The following LRRC7 variants were observed in gnomAD, a reference collection of about 807,000 sequenced individuals.
The protein encoded by LRRC7 is leucine rich repeat containing 7.
Under a neutral mutation model 175.7 loss-of-function variants are expected in LRRC7, and 23 were observed. The ratio of observed to expected loss-of-function variants is 0.13; its 90% CI spans 0.09 to 0.19. The LOEUF (loss-of-function observed/expected upper bound fraction) is 0.19. Ranked by LOEUF, LRRC7 falls within the 10% of genes least tolerant of loss-of-function variation. The pLI is 1.00. For missense variants in LRRC7, 1,354 were observed against 1,904.7 expected, an observed-to-expected ratio of 0.71 and a Z score of 5.38; for synonymous variants, 685 against 680.9, an observed-to-expected ratio of 1.01 and a Z score of -0.09.
At chr1:69,665,182 G>C (rs1658087832) in intron 1 of LRRC7, among the ~76,000 whole-genome samples, 2 of 152,102 alleles carry the variant, frequency 1.3e-5, no homozygotes, top group Non-Finnish European at 2.9e-5. Context: ...TTTTATGCCA[G>C]TGAAATGCCA....
At chr1:69,633,676 A>C (rs931502133) in intron 1 of LRRC7, among the ~76,000 whole-genome samples, 3 of 151,856 alleles carry the variant, frequency 2.0e-5, no homozygotes, top group African/African-American at 7.3e-5. Flanking sequence ...TGATTTGCCC[A>C]CCTCTGCCTC....
At chr1:69,602,506 T>A (rs945351203) in intron 1 of LRRC7, among the ~76,000 whole-genome samples, 1 of 146,096 alleles carries the variant, frequency 6.8e-6, no homozygotes, top group African/African-American at 2.8e-5. Context: ...AAGTTGATTT[T>A]AAAAGTATTG....
intron 8 of LRRC7, among the ~76,000 whole-genome samples, chr1:69,969,211 C>G (rs1328922846): frequency 1.3e-5 from 2 of 152,048 alleles, no homozygotes; most frequent in Non-Finnish European, 2.9e-5. Flanking sequence ...AACAAAAATA[C>G]AATTTAAAAC....
At chr1:69,902,465 A>C (rs1453342404) in intron 7 of LRRC7, among the ~76,000 whole-genome samples, 2 of 152,070 alleles carry the variant, frequency 1.3e-5, no homozygotes, top group African/African-American at 4.8e-5. Context: ...CGGCTACTCA[A>C]GAGACTGAGG....
intron 2 of LRRC7, among the ~76,000 whole-genome samples, chr1:69,707,643 G>A (rs4639706): frequency 0.079 from 11,972 of 152,182 alleles, 549 homozygotes; most frequent in East Asian, 0.14. Flanking sequence ...TATGCATTCA[G>A]TAAATGCTAA....
At chr1:69,999,982 A>T (rs1655374389) in intron 11 of LRRC7, among the ~76,000 whole-genome samples, 1 of 151,756 alleles carries the variant, frequency 6.6e-6, no homozygotes, top group South Asian at 2.1e-4. Flanking sequence ...GCTGCCACCC[A>T]CTCTAGTTCT....
intron 7 of LRRC7, among the ~76,000 whole-genome samples, chr1:69,930,750 A>G (rs1341446854): frequency 6.6e-6 from 1 of 152,212 alleles, no homozygotes; most frequent in Non-Finnish European, 1.5e-5. Flanking sequence ...ACTTAAAATC[A>G]TGGCCGAAGG....
At chr1:69,979,199 A>G (rs1193029940) in intron 8 of LRRC7, among the ~76,000 whole-genome samples, 1 of 152,228 alleles carries the variant, frequency 6.6e-6, no homozygotes, top group East Asian at 1.9e-4. Context: ...GGTGGATACA[A>G]TGCACTAGTT....
At position 69,691,789 on chromosome 1, in the gene LRRC7, C is replaced by A. The variant is rs1661896859; in HGVS notation, c.100+13311C>A. 2.6e-5 allele frequency among the ~76,000 whole-genome samples: 3 copies of A among 116,708 alleles called. No homozygotes were observed. In the Admixed American group the frequency reaches 3.1e-4, roughly 12 times the overall value. The allele number at this position is 116,708 out of a possible 152,430, so 76.6% of individuals were successfully genotyped here. On this transcript the variant is annotated intron_variant, in intron 2 of 26. Transcript: ENST00000651989. ...CTCCAGCCTGGGCAAAAGAGGGAGA[C>A]CCTGTCTCAAAAAAAAAAAAAAAAA...
intron 1 of LRRC7, among the ~76,000 whole-genome samples, chr1:69,638,179 A>G (rs1339790307): frequency 6.6e-6 from 1 of 151,892 alleles, no homozygotes; most frequent in African/African-American, 2.4e-5. Context: ...ATGTTGCTTA[A>G]TTTAAATACA....
chr1:69,591,369 T>G (rs945139066), intron 1 of LRRC7, among the ~76,000 whole-genome samples: 2 of 152,064 alleles, frequency 1.3e-5, no homozygotes, highest in South Asian at 2.1e-4. Context: ...GGTTGCCACT[T>G]CATAAAAAGG....
At chr1:70,069,892 A>G (rs1351236383) in intron 23 of LRRC7, among the ~76,000 whole-genome samples, 2 of 152,140 alleles carry the variant, frequency 1.3e-5, no homozygotes, top group Admixed American at 6.5e-5. Flanking sequence ...TGTTAAACCT[A>G]TTCACTGACT....
chr1:69,657,981 A>G (rs1437126554), intron 1 of LRRC7, among the ~76,000 whole-genome samples: 1 of 151,926 alleles, frequency 6.6e-6, no homozygotes, highest in Non-Finnish European at 1.5e-5. Context: ...AATGTATCTC[A>G]TAGCAGCTGT....
chr1:69,988,376 C>T (rs527984133), intron 10 of LRRC7, among the ~76,000 whole-genome samples: 49 of 152,014 alleles, frequency 3.2e-4, no homozygotes, highest in Non-Finnish European at 5.4e-4. Context: ...TCGAGTCCAC[C>T]CTAGGCAACA....
intron 1 of LRRC7, among the ~76,000 whole-genome samples, chr1:69,627,404 C>A (rs572154032): frequency 6.6e-6 from 1 of 152,244 alleles, no homozygotes; most frequent in African/African-American, 2.4e-5. Context: ...ATCCTTCGCC[C>A]ACTTTTTGAT....
At chr1:69,613,711 A>G (rs1289176287) in intron 1 of LRRC7, among the ~76,000 whole-genome samples, 1 of 152,038 alleles carries the variant, frequency 6.6e-6, no homozygotes, top group African/African-American at 2.4e-5. Context: ...AAGTGGATGT[A>G]TATTTCAAAT....
chr1:69,677,504 TAG>T (rs1486159975), intron 1 of LRRC7, among the ~76,000 whole-genome samples: 1 of 151,898 alleles, frequency 6.6e-6, no homozygotes, highest in East Asian at 1.9e-4. Flanking sequence ...CTGTTTTTCA[TAG>T]AGAGTATACT....
chr1:69,605,384 C>T (rs910587114), intron 1 of LRRC7, among the ~76,000 whole-genome samples: 1 of 152,124 alleles, frequency 6.6e-6, no homozygotes, highest in Non-Finnish European at 1.5e-5. Context: ...TCTTTATTAG[C>T]AGCATGAGAG....
chr1:69,810,981 G>A (rs1677780220), intron 4 of LRRC7, among the ~76,000 whole-genome samples: 8 of 151,902 alleles, frequency 5.3e-5, no homozygotes, highest in Admixed American at 5.2e-4. Flanking sequence ...TCAGAGTGAA[G>A]AGGCAACATA....
Sources: gnomAD v4.1 joint callset for allele counts (sites outside exome capture counted in the v4.1 genomes callset) on GRCh38, gnomAD v4.1.1 for gene constraint, MANE v1.5 for transcripts, NCBI Gene and HGNC (gene_info 2026-07-23, HGNC 2026-07-21) for gene names.